CHAC2: variants seen among roughly 807,000 people sequenced by gnomAD.
CHAC2 encodes ChaC glutathione specific gamma-glutamylcyclotransferase 2.
CHAC2 carries 20 observed loss-of-function variants against 16.9 expected under a neutral mutation model. The observed-to-expected ratio is 1.18, with a 90% CI of 0.83 to 1.72. The LOEUF (loss-of-function observed/expected upper bound fraction) is 1.72. Ranked by LOEUF, CHAC2 falls within the 40% of genes most tolerant of loss-of-function variation. The probability of loss-of-function intolerance (pLI) is 0.00; values close to 1 mark genes in which losing one functional copy is unlikely to be tolerated. For missense variants in CHAC2, 269 were observed against 222.2 expected, an observed-to-expected ratio of 1.21 and a Z score of -1.34; for synonymous variants, 91 against 77.3, an observed-to-expected ratio of 1.18 and a Z score of -0.93.
intron 1 of CHAC2, among the ~76,000 whole-genome samples, chr2:53,768,545 G>A (rs1558571451): frequency 1.3e-5 from 2 of 152,200 alleles, no homozygotes; most frequent in Non-Finnish European, 1.5e-5. Context: ...CTGACACACA[G>A]GATTGCAGAA....
chr2:53,773,678 C>T (rs988232156), intron 2 of CHAC2, among the ~76,000 whole-genome samples: 1 of 151,900 alleles, frequency 6.6e-6, no homozygotes, highest in Non-Finnish European at 1.5e-5. Context: ...ATCCACTCAC[C>T]TCGGCCTCCC....
At chr2:53,771,332 T>A (rs542827369) in intron 1 of CHAC2, among the ~76,000 whole-genome samples, 2 of 152,080 alleles carry the variant, frequency 1.3e-5, no homozygotes, top group Non-Finnish European at 2.9e-5. Flanking sequence ...CTGGCCAACA[T>A]GGTAAACCCG....
chr2:53,772,542 A>G (rs1573015526), intron 2 of CHAC2, among the ~76,000 whole-genome samples: 1 of 152,016 alleles, frequency 6.6e-6, no homozygotes, highest in African/African-American at 2.4e-5. Context: ...TAACGGAAAT[A>G]CCTGCCCCCG....
chr2:53,772,324 G>A (rs1410847074), intron 2 of CHAC2, among the ~76,000 whole-genome samples: 6 of 152,052 alleles, frequency 3.9e-5, no homozygotes, highest in African/African-American at 1.2e-4. Context: ...ACAGGCGCCC[G>A]CCACCATGTC....
intron 1 of CHAC2, 85 bp from the exon 2 acceptor site, chr2:53,771,822 T>C (rs1673933652): frequency 3.9e-6 from 3 of 771,848 alleles, no homozygotes; most frequent in African/African-American, 1.8e-5. Flanking sequence ...AATTCAAATA[T>C]TCCATGTCAA....
chr2:53,767,982 C>T lies in CHAC2; in HGVS notation c.96C>T (p.Phe32=). 6.2e-7 allele frequency: 1 copy of T among 1,611,624 alleles called. No individual in the cohort carries two copies. Among genetic ancestry groups the T allele is most frequent in the Non-Finnish European group, 8.5e-7 (1 of 1,177,686 alleles). The change falls in exon 1 of 3, where the codon TTC becomes TTT. Residue 32 remains phenylalanine (F), a synonymous_variant. Coordinates refer to ENST00000295304, the MANE Select transcript of CHAC2 (RefSeq NM_001008708.4). ...ACATCACCAACTACAGCAGGCGCTT[C>T]TGGCAGGGCAGCACGGACCACCGCG... The part of the protein sequence containing the change: ...VGYITNYSRR[F]WQGSTDHRGV...
In CHAC2 at chr2:53,774,469, T is replaced by A. The variant is rs745860396; in HGVS notation, c.499T>A (p.Leu167Met). The change falls in exon 3 of 3, where the codon TTG becomes ATG. Residue 167 changes from leucine to methionine, a missense_variant. Transcript: ENST00000295304. ...PEEADEHLFALEKLVKERLEG... is the reference protein window; with the variant it reads ...PEEADEHLFAMEKLVKERLEG... ...AGAAGCAGATGAGCATCTTTTCGCT[T>A]TGGAAAAATTAGTAAAGGAACGTTT... 7.5e-6 allele frequency: 12 copies of A among 1,589,454 alleles called. No individual in the cohort carries two copies. The highest frequency in any genetic ancestry group is 1.9e-5 in the Admixed American group (1 of 53,532).
At position 53,771,964 on chromosome 2, in the gene CHAC2, T is replaced by A. The variant is rs780041202; in HGVS notation, c.171+22T>A. 5 of 1,295,590 alleles carry A rather than the reference T, an allele frequency of 3.9e-6. No individual in the cohort carries two copies. The South Asian group carries it at 7.3e-5, about 19-fold the overall frequency. The allele number at this position is 1,295,590 out of a possible 1,614,324, so 80.3% of individuals were successfully genotyped here. A position where few individuals can be genotyped will look rare whatever the true frequency, so the allele number is the denominator to read the frequency against. ...TGCGGTATGGTATAAATATTCTTTTTTGTATAATTTTAATTTTATAAAATG... is the reference window on the plus strand; with the variant it reads ...TGCGGTATGGTATAAATATTCTTTTATGTATAATTTTAATTTTATAAAATG... On this transcript the variant is annotated intron_variant, in intron 2 of 2. Transcript: ENST00000295304.
At position 53,768,030 on chromosome 2, in the gene CHAC2, C is replaced by G. The variant is rs752662861; in HGVS notation, c.135+9C>G. On this transcript the variant is annotated intron_variant, in intron 1 of 2. Transcript: ENST00000295304. Reference sequence around the variant, plus strand: ...GCGGGGTCCCCGGCAAGGTGAGGCGCCGGTCAGCTCCCCACACTTACTGCC... The same window carrying G: ...GCGGGGTCCCCGGCAAGGTGAGGCGGCGGTCAGCTCCCCACACTTACTGCC... 6 of 1,612,396 alleles carry G rather than the reference C, an allele frequency of 3.7e-6. No homozygotes were observed. The highest frequency in any genetic ancestry group is 4.5e-5 in the East Asian group (2 of 44,880).
intron 1 of CHAC2, among the ~76,000 whole-genome samples, chr2:53,768,597 T>G (rs1323007997): frequency 6.6e-6 from 1 of 152,244 alleles, no homozygotes; most frequent in Non-Finnish European, 1.5e-5. Context: ...GAACTCACTT[T>G]GGTTTTCAGT....
chr2:53,772,544 C>T (rs1285450713), intron 2 of CHAC2, among the ~76,000 whole-genome samples: 4 of 151,576 alleles, frequency 2.6e-5, no homozygotes, highest in Non-Finnish European at 4.4e-5. Context: ...ACGGAAATAC[C>T]TGCCCCCGAC....
chr2:53,772,063 C>T lies in CHAC2; in HGVS notation c.171+121C>T, dbSNP rs1673958579. 4 of 630,414 alleles carry T rather than the reference C, an allele frequency of 6.3e-6. No individual in the cohort carries two copies. In the East Asian group the frequency reaches 1.2e-4, roughly 20 times the overall value. 39.1% of individuals were successfully genotyped at this position (630,414 alleles called of 1,614,324 possible). A position where few individuals can be genotyped will look rare whatever the true frequency, so the allele number is the denominator to read the frequency against. ...GAACTACCCTAAATTTAGAATTCTT[C>T]TCTGTATTTGTGGGTTTTTTTTGTG... On this transcript the variant is annotated intron_variant, in intron 2 of 2. Transcript: ENST00000295304.
intron 1 of CHAC2, among the ~76,000 whole-genome samples, chr2:53,771,340 C>A (rs562699464): frequency 6.6e-6 from 1 of 152,110 alleles, no homozygotes; most frequent in Non-Finnish European, 1.5e-5. Context: ...CATGGTAAAC[C>A]CGTCTCTACT....
chr2:53,768,376 T>C, intron 1 of CHAC2: 1 of 201,572 alleles, frequency 5.0e-6, no homozygotes. Flanking sequence ...TGAATGCTCA[T>C]GTCACCACAG....
At chr2:53,768,818 A>C (rs192094389) in intron 1 of CHAC2, among the ~76,000 whole-genome samples, 1 of 152,246 alleles carries the variant, frequency 6.6e-6, no homozygotes, top group African/African-American at 2.4e-5. Flanking sequence ...TGCTTATGCA[A>C]ATCAGCTTTG....
At chr2:53,770,501 A>G (rs1261337641) in intron 1 of CHAC2, among the ~76,000 whole-genome samples, 2 of 69,664 alleles carry the variant, frequency 2.9e-5, no homozygotes, top group African/African-American at 1.4e-4. Flanking sequence ...GTTTATTTAA[A>G]AAAAAAAAAA....
In CHAC2 at chr2:53,774,423, T is replaced by C; in HGVS notation, c.453T>C (p.Ser151=). The C allele has an allele frequency of 6.2e-7, 1 of 1,611,498 alleles. No individual in the cohort carries two copies. The highest frequency in any genetic ancestry group is 8.5e-7 in the Non-Finnish European group (1 of 1,179,524). ...AATATCTTTTTGAACTTGCAAATTC[T>C]ATTAGGAACCTTGTGCCAGAAGAAG... ...NTEYLFELAN[S]IRNLVPEEAD... is the part of the protein sequence containing the mutation. The change falls in exon 3 of 3, where the codon TCT becomes TCC. Residue 151 remains serine (S), a synonymous_variant. Transcript: ENST00000295304.
chr2:53,772,804 C>T (rs1674035159), intron 2 of CHAC2, among the ~76,000 whole-genome samples: 1 of 152,200 alleles, frequency 6.6e-6, no homozygotes, highest in African/African-American at 2.4e-5. Flanking sequence ...TATTTCATCA[C>T]CCAGGTATTA....
chr2:53,769,590 T>C (rs1673747248), intron 1 of CHAC2, among the ~76,000 whole-genome samples: 1 of 152,238 alleles, frequency 6.6e-6, no homozygotes, highest in Non-Finnish European at 1.5e-5. Flanking sequence ...TTCCCGCCTA[T>C]AATCCCAGCA....
Sources: allele counts gnomAD v4.1 joint callset (sites outside exome capture counted in the v4.1 genomes callset), GRCh38; gene constraint gnomAD v4.1.1; transcripts MANE v1.5; gene names NCBI Gene and HGNC (gene_info 2026-07-23, HGNC 2026-07-21).